Variants in ADAM33 observed in about 807,000 individuals in gnomAD.
ADAM33 encodes disintegrin and metalloproteinase domain-containing protein 33.
A neutral mutation model predicts 106.2 loss-of-function variants in ADAM33; 103 were observed. That is an observed-to-expected ratio of 0.97 (90% CI 0.83 to 1.14). The LOEUF is 1.14. ADAM33 is among the 50% of genes most tolerant of loss of function. The probability of loss-of-function intolerance (pLI) is 0.00; values close to 1 mark genes in which losing one functional copy is unlikely to be tolerated. For missense variants in ADAM33, 1,120 were observed against 1,096.6 expected (o/e 1.02, Z -0.30); for synonymous variants, 483 against 453.0 (o/e 1.07, Z -0.84).
At chr20:3,679,638 G>T in intron 1 of ADAM33, 67 bp from the exon 2 acceptor site, 1 of 1,435,340 alleles carries the variant, frequency 7.0e-7, no homozygotes. Flanking sequence ...ACAAAGCAGA[G>T]GGAGGGGGGT....
At chr20:3,674,454 G>C (rs771783425) in intron 6 of ADAM33, 50 bp downstream of exon 6, 26 of 1,605,890 alleles carry the variant, frequency 1.6e-5, no homozygotes, top group Non-Finnish European at 2.1e-5. Context: ...TTCTGATTTG[G>C]AGGGCTATAG....
At position 3,675,341 on chromosome 20, in the gene ADAM33, C is replaced by G. The variant is rs2087871261; in HGVS notation, c.255-236G>C. On this transcript the variant is annotated intron_variant, in intron 3 of 21. Coordinates refer to ENST00000356518, the MANE Select transcript of ADAM33 (RefSeq NM_025220.5). The surrounding 1 kb of genome is among the most constrained non-coding windows in gnomAD (Gnocchi z 4.1). ...TGGGAGGTGTGAATATGGGAAGCAC[C>G]AGGGAGGACGCCGGGGAGGAGTGGG... 6.6e-6 allele frequency among the ~76,000 whole-genome samples: 1 copy of G among 152,086 alleles called. No homozygotes were observed. Among genetic ancestry groups the G allele is most frequent in the African/African-American group, 2.4e-5 (1 of 41,404 alleles).
chr20:3,679,432 G>T, intron 2 of ADAM33, 60 bp downstream of exon 2: 1 of 1,520,350 alleles, frequency 6.6e-7, no homozygotes, highest in Non-Finnish European at 9.0e-7. Context: ...AATGTAGGGA[G>T]AGACAAAAGG....
At chr20:3,681,795 G>A in intron 1 of ADAM33, 113 bp downstream of exon 1, 1 of 1,419,238 alleles carries the variant, frequency 7.0e-7, no homozygotes, top group Non-Finnish European at 9.2e-7. Flanking sequence ...GCCGTATGGT[G>A]CCGGGGCCGT....
chr20:3,674,779 C>G lies in ADAM33; in HGVS notation c.404G>C (p.Gly135Ala), dbSNP rs1289916108. Residue 135 changes from glycine to alanine, a missense_variant, in exon 5 of 22, where the codon GGG becomes GCG. Gly to Ala is a moderately conservative substitution (Grantham distance 60). Coordinates refer to ENST00000356518, the MANE Select transcript of ADAM33 (RefSeq NM_025220.5). ...DSWVVLCTCS[G>A]MSGLITLSRN... Reference sequence around the variant, plus strand: ...CTCCTCTCCCAGAGCTCACCTCATCCCAGAGCAGGTGCAGAGGACTACCCA... The same window carrying G: ...CTCCTCTCCCAGAGCTCACCTCATCGCAGAGCAGGTGCAGAGGACTACCCA... 6.2e-7 allele frequency: 1 copy of G among 1,608,240 alleles called. No individual in the cohort carries two copies. The highest frequency in any genetic ancestry group is 1.1e-5 in the South Asian group (1 of 90,112).
intron 2 of ADAM33, among the ~76,000 whole-genome samples, chr20:3,679,136 C>CTTT (rs778392877): frequency 0.13 from 10,015 of 78,166 alleles, 1,590 homozygotes; most frequent in African/African-American, 0.35. Flanking sequence ...CTTTTTGGTG[C>CTTT]TTTTTTTTTT....
At position 3,672,334 on chromosome 20, in the gene ADAM33, G is replaced by T. The variant is rs186219489; in HGVS notation, c.1402-5C>A. On this transcript the variant is annotated splice_region_variant and splice_polypyrimidine_tract_variant and intron_variant, in intron 13 of 21. Coordinates refer to ENST00000356518, the MANE Select transcript of ADAM33 (RefSeq NM_025220.5). The stretch of plus-strand genomic sequence containing the variant: ...CAGCGCTCCAGCCGGCTTCAGCTGC[G>T]CAGGTGACGGGTGGTGGGGAAGGCA... The T allele has an allele frequency of 6.4e-7, 1 of 1,557,416 alleles. No homozygotes were observed. The highest frequency in any genetic ancestry group is 1.8e-5 in the African/African-American group (1 of 55,966).
At chr20:3,680,795 T>C (rs551729321) in intron 1 of ADAM33, among the ~76,000 whole-genome samples, 51 of 152,252 alleles carry the variant, frequency 3.3e-4, no homozygotes, top group African/African-American at 1.2e-3. Context: ...GGTGTGTGGG[T>C]GCTGTCCACA....
chr20:3,669,842 C>T (rs2087414525), intron 19 of ADAM33: 1 of 670,668 alleles, frequency 1.5e-6, no homozygotes. Context: ...GAGCCTCATG[C>T]CCTCGGCTGG....
At chr20:3,670,849 A>G (rs1190823644) in intron 19 of ADAM33, among the ~76,000 whole-genome samples, 157 bp downstream of exon 19, 1 of 151,952 alleles carries the variant, frequency 6.6e-6, no homozygotes. Context: ...GGCCACTGGA[A>G]CCTCCTGTTC....
rs41334944 is a variant in ADAM33, at chr20:3,671,988, G to A, written c.1598-3C>T. The stretch of plus-strand genomic sequence containing the variant: ...GGCCTCGGGAGCTGGGTGGGAGCCT[G>A]AGGAAGCATGGGCCAGGCTGGGGGC... On this transcript the variant is annotated splice_region_variant and splice_polypyrimidine_tract_variant and intron_variant, in intron 14 of 21. Coordinates refer to ENST00000356518, the MANE Select transcript of ADAM33 (RefSeq NM_025220.5). 7.7e-6 allele frequency: 12 copies of A among 1,554,568 alleles called. No individual in the cohort carries two copies. In the Admixed American group the frequency reaches 2.2e-4, roughly 28 times the overall value.
rs1363182148 is a variant in ADAM33, at chr20:3,672,296, T to C, written c.1435A>G (p.Met479Val). The change falls in exon 14 of 22, where the codon ATG becomes GTG. Residue 479 changes from methionine (M) to valine (V), a missense_variant. Physicochemically the swap from Met to Val is conservative, Grantham distance 21. Coordinates refer to ENST00000356518, the MANE Select transcript of ADAM33 (RefSeq NM_025220.5). ...KPAGALCRQA[M>V]GDCDLPEFCT... ...AACTCAGGGAGGTCACAGTCACCCATGGCCTGGCGGCACAGCGCTCCAGCC... is the reference window on the plus strand; with the variant it reads ...AACTCAGGGAGGTCACAGTCACCCACGGCCTGGCGGCACAGCGCTCCAGCC... 1.2e-6 allele frequency: 2 copies of C among 1,613,208 alleles called. No individual in the cohort carries two copies. The highest frequency in any genetic ancestry group is 1.1e-5 in the South Asian group (1 of 91,074).
chr20:3,671,252 GGCCACTGTCCATGCT>G lies in ADAM33; in HGVS notation c.2062_2076del (p.Ser688_Gly692del). Reference sequence around the variant, plus strand: ...ACTGGCATACTTTCAGCCTGCACAGGGCCACTGTCCATGCTGCCACCAAAGCCTGGCTTGTCACAG... The same window carrying G: ...ACTGGCATACTTTCAGCCTGCACAGGGCCACCAAAGCCTGGCTTGTCACAG... On this transcript the variant is annotated inframe_deletion, in exon 18 of 22. Coordinates refer to ENST00000356518, the MANE Select transcript of ADAM33 (RefSeq NM_025220.5). 1.2e-6 allele frequency: 2 copies of G among 1,613,932 alleles called. No homozygotes were observed. Among genetic ancestry groups the G allele is most frequent in the Non-Finnish European group, 1.7e-6 (2 of 1,179,978 alleles).
Position 3,672,171 on chromosome 20 carries a change from G to A in ADAM33, c.1560C>T (p.Pro520=). 6.2e-7 allele frequency: 1 copy of A among 1,613,160 alleles called. No homozygotes were observed. Among genetic ancestry groups the A allele is most frequent in the South Asian group, 1.1e-5 (1 of 91,076 alleles). Reference sequence around the variant, plus strand: ...GCTGCTGGCACTGCTGCTCCAGCGTGGGACATGCGCCATCCCAGCAGTAGC... The same window carrying A: ...GCTGCTGGCACTGCTGCTCCAGCGTAGGACATGCGCCATCCCAGCAGTAGC... ...GSGYCWDGAC[P]TLEQQCQQLW... The change falls in exon 14 of 22, where the codon CCC becomes CCT. Residue 520 remains proline (P), a synonymous_variant. Transcript: ENST00000356518.
rs745350807 is a variant in ADAM33 at position 3,672,159 on chromosome 20, C to G, written c.1572G>C (p.Gln524His). The change falls in exon 14 of 22, where the codon CAG becomes CAC. Residue 524 changes from glutamine (Q) to histidine (H), a missense_variant. Gln to His is a conservative substitution (Grantham distance 24). Transcript: ENST00000356518. ...CWDGACPTLE[Q>H]QCQQLWGPGS... The stretch of plus-strand genomic sequence containing the variant: ...CAGGCCCCCAGAGCTGCTGGCACTG[C>G]TGCTCCAGCGTGGGACATGCGCCAT... 11 of 1,612,454 alleles carry G rather than the reference C, an allele frequency of 6.8e-6. No individual in the cohort carries two copies. In the South Asian group the frequency reaches 1.2e-4, roughly 18 times the overall value.
chr20:3,673,530 G>A (rs931451518), intron 10 of ADAM33, 34 bp from the exon 11 acceptor site: 3 of 1,452,130 alleles, frequency 2.1e-6, no homozygotes, highest in African/African-American at 1.5e-5. Flanking sequence ...CACTGCGGCC[G>A]TAGAGCCTCC....
intron 2 of ADAM33, among the ~76,000 whole-genome samples, chr20:3,678,419 G>A (rs1383847127): frequency 6.6e-6 from 1 of 152,210 alleles, no homozygotes; most frequent in Non-Finnish European, 1.5e-5. Context: ...GGGAGGCCCA[G>A]AGGCAGAGTG....
In ADAM33 at chr20:3,682,009, G is replaced by A. The variant is rs2088544536; in HGVS notation, c.-5C>T. 6.7e-7 allele frequency: 1 copy of A among 1,500,486 alleles called. No individual in the cohort carries two copies. The highest frequency in any genetic ancestry group is 8.9e-7 in the Non-Finnish European group (1 of 1,124,066). The allele number at this position is 1,500,486 out of a possible 1,614,324, so 92.9% of individuals were successfully genotyped here. A position where few individuals can be genotyped will look rare whatever the true frequency, so the allele number is the denominator to read the frequency against. The stretch of plus-strand genomic sequence containing the variant: ...TCTCCGGGGCCTCCAGCCCATAGCT[G>A]TGAGCTCCTCGGCCTCTAGGCAGCG... On this transcript the variant is annotated 5_prime_UTR_variant, in exon 1 of 22. Transcript: ENST00000356518.
At chr20:3,674,747 G>A (rs1284238096) in intron 5 of ADAM33, 26 bp downstream of exon 5, 2 of 1,597,012 alleles carry the variant, frequency 1.3e-6, no homozygotes, top group Non-Finnish European at 1.7e-6. Flanking sequence ...CCCATCCCAG[G>A]CCCAGCCTCC....
Sources: gnomAD v4.1 joint callset for allele counts (sites outside exome capture counted in the v4.1 genomes callset) on GRCh38, gnomAD v4.1.1 for gene constraint, Gnocchi (gnomAD v3.1) non-coding constraint, MANE v1.5 for transcripts, NCBI Gene and HGNC (gene_info 2026-07-23, HGNC 2026-07-21) for gene names.